PDE4D: variants seen among roughly 807,000 people sequenced by gnomAD.
PDE4D encodes the protein 3',5'-cyclic-AMP phosphodiesterase 4D.
A neutral mutation model predicts 87.4 loss-of-function variants in PDE4D; 24 were observed. The observed-to-expected ratio is 0.27, with a 90% CI of 0.20 to 0.39. The LOEUF (loss-of-function observed/expected upper bound fraction) is 0.39. Among genes scored for constraint, PDE4D ranks in the 10% least tolerant of loss-of-function variants. The pLI, the probability that PDE4D is intolerant of heterozygous loss-of-function variation, is 1.00. For missense variants in PDE4D, 714 were observed against 1,041.0 expected (o/e 0.69, Z 4.32); for synonymous variants, 384 against 383.2 (o/e 1.00, Z -0.02).
intron 2 of PDE4D, among the ~76,000 whole-genome samples, chr5:60,037,228 G>A (rs1186900765): frequency 2.0e-5 from 3 of 152,122 alleles, no homozygotes; most frequent in Non-Finnish European, 4.4e-5. Flanking sequence ...AATATTACAT[G>A]CAATACAATA....
chr5:60,120,047 G>C (rs929340774), intron 2 of PDE4D, among the ~76,000 whole-genome samples: 1 of 152,150 alleles, frequency 6.6e-6, no homozygotes, highest in Non-Finnish European at 1.5e-5. Context: ...ATTCTTTACA[G>C]GTCTAAAAGA....
At chr5:60,160,520 A>C (rs1782380738) in intron 2 of PDE4D, among the ~76,000 whole-genome samples, 1 of 152,192 alleles carries the variant, frequency 6.6e-6, no homozygotes, top group Non-Finnish European at 1.5e-5. Context: ...AGAGAAAAAA[A>C]AATAACTGGA....
intron 1 of PDE4D, among the ~76,000 whole-genome samples, chr5:59,844,225 A>G (rs73761005): frequency 0.01 from 1,546 of 152,204 alleles, 32 homozygotes; most frequent in African/African-American, 0.035. Context: ...AAGAGAATAC[A>G]TATTTATTGT....
At chr5:59,528,415 C>T (rs1006610951) in intron 1 of PDE4D, among the ~76,000 whole-genome samples, 9 of 152,122 alleles carry the variant, frequency 5.9e-5, no homozygotes, top group African/African-American at 2.2e-4. Flanking sequence ...ATTTGAAGTC[C>T]TGCCCTTTGG....
intron 2 of PDE4D, among the ~76,000 whole-genome samples, chr5:59,200,911 A>G (rs897613130): frequency 1.3e-5 from 2 of 152,058 alleles, no homozygotes; most frequent in Admixed American, 6.6e-5. Context: ...TCCTTATAGA[A>G]TTAGAGTCAT....
At chr5:60,323,379 T>C (rs973361144) in intron 1 of PDE4D, among the ~76,000 whole-genome samples, 1 of 152,216 alleles carries the variant, frequency 6.6e-6, no homozygotes, top group Non-Finnish European at 1.5e-5. Flanking sequence ...TCAGATAAAC[T>C]TAGTATCAAC....
chr5:59,656,185 A>AC (rs1378437607), intron 1 of PDE4D, among the ~76,000 whole-genome samples: 1 of 151,452 alleles, frequency 6.6e-6, no homozygotes, highest in African/African-American at 2.4e-5. Context: ...CACTTCAGTC[A>AC]CAAAAAAACT....
At chr5:60,415,771 C>T (rs979373434) in intron 1 of PDE4D, among the ~76,000 whole-genome samples, 1 of 152,256 alleles carries the variant, frequency 6.6e-6, no homozygotes, top group African/African-American at 2.4e-5. Context: ...GCGCCCAGTC[C>T]CATCCACTGC....
chr5:59,673,294 A>G (rs1015153764), intron 1 of PDE4D, among the ~76,000 whole-genome samples: 4 of 152,178 alleles, frequency 2.6e-5, no homozygotes, highest in African/African-American at 9.7e-5. Flanking sequence ...CCATTCCTTA[A>G]GACATAGCTC....
intron 1 of PDE4D, chr5:59,592,161 G>T (rs1383826909): frequency 1.0e-6 from 1 of 982,814 alleles, no homozygotes; most frequent in African/African-American, 1.7e-5. Flanking sequence ...CCCAGGAACA[G>T]AACAGTGTCT....
intron 1 of PDE4D, among the ~76,000 whole-genome samples, chr5:59,491,799 G>A (rs768025945): frequency 7.2e-5 from 11 of 152,038 alleles, no homozygotes; most frequent in African/African-American, 9.7e-5. Flanking sequence ...GCTCTTTATC[G>A]CTATACTCTT....
At chr5:59,906,992 A>G (rs1421508908) in intron 3 of PDE4D, among the ~76,000 whole-genome samples, 6 of 152,210 alleles carry the variant, frequency 3.9e-5, no homozygotes, top group Non-Finnish European at 8.8e-5. Context: ...ATGCCTGTCA[A>G]TGACAGATTT....
intron 3 of PDE4D, among the ~76,000 whole-genome samples, chr5:59,190,214 C>T (rs1744008316): frequency 6.6e-6 from 1 of 152,000 alleles, no homozygotes; most frequent in South Asian, 2.1e-4. Context: ...CAGGGGAAGG[C>T]CATTTTTAGG....
At chr5:59,544,958 G>A (rs1039535178) in intron 1 of PDE4D, among the ~76,000 whole-genome samples, 5 of 152,196 alleles carry the variant, frequency 3.3e-5, no homozygotes, top group African/African-American at 1.2e-4. Context: ...TGTGTGGATG[G>A]CAACAGAAAA....
At position 59,292,895 on chromosome 5, in the gene PDE4D, T is replaced by C. The variant is rs538195416; in HGVS notation, c.456-76927A>G. ...GAAGTGATTCATGCAAGGAGATGTA[T>C]TTAGCATTTCCAGATAGTGCCCTAT... On this transcript the variant is annotated intron_variant, in intron 1 of 14. Coordinates refer to ENST00000340635, the MANE Select transcript of PDE4D (RefSeq NM_001104631.2). 2.0e-5 allele frequency among the ~76,000 whole-genome samples: 3 copies of C among 152,240 alleles called. No individual in the cohort carries two copies. In the South Asian group the frequency reaches 6.2e-4, roughly 32 times the overall value.
chr5:59,739,436 C>T (rs1289599183), intron 1 of PDE4D, among the ~76,000 whole-genome samples: 5 of 152,050 alleles, frequency 3.3e-5, no homozygotes, highest in Non-Finnish European at 5.9e-5. Flanking sequence ...ACAACAACAA[C>T]AGCAACAACA....
intron 4 of PDE4D, among the ~76,000 whole-genome samples, chr5:59,184,100 C>A (rs1243736927): frequency 6.6e-6 from 1 of 152,034 alleles, no homozygotes; most frequent in Non-Finnish European, 1.5e-5. Flanking sequence ...ATTTAAGCTG[C>A]AACCAAAAGA....
chr5:59,996,145 T>G (rs1030031963), intron 2 of PDE4D, among the ~76,000 whole-genome samples: 1 of 152,214 alleles, frequency 6.6e-6, no homozygotes, highest in African/African-American at 2.4e-5. Flanking sequence ...TTTCACCTAT[T>G]TTGTTTTAAA....
chr5:59,614,224 G>A (rs1829373323), intron 1 of PDE4D, among the ~76,000 whole-genome samples: 1 of 152,118 alleles, frequency 6.6e-6, no homozygotes, highest in South Asian at 2.1e-4. Context: ...TCTGACATTA[G>A]CCCCATAGGA....
Sources: allele counts gnomAD v4.1 joint callset (sites outside exome capture counted in the v4.1 genomes callset), GRCh38; gene constraint gnomAD v4.1.1; transcripts MANE v1.5; gene names NCBI Gene and HGNC (gene_info 2026-07-23, HGNC 2026-07-21).